The following CSF3R variants were observed in gnomAD, a reference collection of about 807,000 sequenced individuals.
The protein encoded by CSF3R is granulocyte colony-stimulating factor receptor.
In CSF3R, 52 loss-of-function variants were observed where a neutral mutation model predicts 84.4. The observed-to-expected ratio is 0.62, with a 90% CI of 0.49 to 0.78. The LOEUF is 0.78. Among genes scored for constraint, CSF3R ranks in the 30% least tolerant of loss-of-function variants. CSF3R has a pLI of 0.00. For missense variants in CSF3R, 890 were observed against 1,055.7 expected, an observed-to-expected ratio of 0.84 and a Z score of 2.17; for synonymous variants, 384 against 429.1, an observed-to-expected ratio of 0.89 and a Z score of 1.30.
At chr1:36,474,169 G>T (rs1650968734) in intron 4 of CSF3R, among the ~76,000 whole-genome samples, 1 of 152,154 alleles carries the variant, frequency 6.6e-6, no homozygotes, top group South Asian at 2.1e-4. Context: ...TGTAGTGTTT[G>T]AGTTTTCATC....
intron 4 of CSF3R, 23 bp from the exon 5 acceptor site, chr1:36,473,910 T>G: frequency 6.2e-7 from 1 of 1,613,482 alleles, no homozygotes; most frequent in Non-Finnish European, 8.5e-7. Context: ...GGGAAGAGTG[T>G]GAGGGCTTTG....
chr1:36,475,289 G>A, intron 4 of CSF3R, 88 bp downstream of exon 4: 3 of 1,534,376 alleles, frequency 2.0e-6, no homozygotes, highest in South Asian at 2.2e-5. Flanking sequence ...ATACAGGCGT[G>A]AGCCAACGTG....
intron 3 of CSF3R, 84 bp downstream of exon 3, chr1:36,479,349 C>A: frequency 2.3e-6 from 3 of 1,311,096 alleles, no homozygotes; most frequent in South Asian, 2.4e-5. Flanking sequence ...ATCCCAGGAG[C>A]CATGTGGCAG....
At chr1:36,482,946 G>C (rs914111925), upstream of CSF3R, 2 of 152,266 alleles carry the variant, frequency 1.3e-5, no homozygotes, top group Non-Finnish European at 1.5e-5. Flanking sequence ...ACAGGCCCGG[G>C]GGCTGGGGAT....
chr1:36,477,467 T>TATTA (rs1651223781), intron 3 of CSF3R: 1 of 151,840 alleles, frequency 6.6e-6, no homozygotes, highest in African/African-American at 2.4e-5. Context: ...TTCACCATGC[T>TATTA]GGCAGGCTGG....
rs1013615413 is a variant in CSF3R at position 36,467,142 on chromosome 1, G to C, written c.2040+88C>G. Reference sequence around the variant, plus strand: ...AGATGTTGCCGGAAGTGACAGGAAGGCCTGAGTACTTGGCTTCAGAAGGTG... The same window carrying C: ...AGATGTTGCCGGAAGTGACAGGAAGCCCTGAGTACTTGGCTTCAGAAGGTG... On this transcript the variant is annotated intron_variant, in intron 16 of 16. Transcript: ENST00000373106. This position sits in a 1 kb window ranked among gnomAD's most constrained non-coding sequence, Gnocchi z 4.1. 1.4e-6 allele frequency: 2 copies of C among 1,435,520 alleles called. No homozygotes were observed. Among genetic ancestry groups the C allele is most frequent in the Admixed American group, 1.7e-5 (1 of 59,350 alleles). 88.9% of individuals were successfully genotyped at this position (1,435,520 alleles called of 1,614,324 possible).
intron 13 of CSF3R, 45 bp downstream of exon 13, chr1:36,468,030 C>A (rs1355583404): frequency 6.2e-7 from 1 of 1,614,250 alleles, no homozygotes; most frequent in East Asian, 2.2e-5. Context: ...TGAGCACCCC[C>A]TTCCAGGCCT....
intron 3 of CSF3R, 94 bp from the exon 4 acceptor site, chr1:36,475,767 A>G (rs1363732197): frequency 1.6e-6 from 2 of 1,262,286 alleles, no homozygotes; most frequent in Non-Finnish European, 2.2e-6. Flanking sequence ...CAGAGGCCTC[A>G]CCTTCCTGTC....
At position 36,468,133 on chromosome 1, in the gene CSF3R, C is replaced by A. The variant is rs139705992; in HGVS notation, c.1665G>T (p.Gly555=). The A allele has an allele frequency of 2.8e-5, 45 of 1,614,086 alleles. No homozygotes were observed. In the African/African-American group the frequency reaches 5.3e-4, roughly 19 times the overall value. Reference sequence around the variant, plus strand: ...TGGTGTAGTGGGTAAGGGGGCTCTTCCCCAGCTCAGGGGGCTCAGGCACCC... The same window carrying A: ...TGGTGTAGTGGGTAAGGGGGCTCTTACCCAGCTCAGGGGGCTCAGGCACCC... The part of the protein sequence containing the change: ...LEWVPEPPEL[G]KSPLTHYTIF... Residue 555 remains glycine (G), a synonymous_variant, in exon 13 of 17, where the codon GGG becomes GGT. Transcript: ENST00000373106.
Position 36,467,510 on chromosome 1 carries a change from C to T in CSF3R, c.1958+48G>A, listed in dbSNP as rs1650402572. Reference sequence around the variant, plus strand: ...GATGGGCCCATCTGGACCTGAGGTTCCCTGTGGGTGGGGGAAGCAGGATCT... The same window carrying T: ...GATGGGCCCATCTGGACCTGAGGTTTCCTGTGGGTGGGGGAAGCAGGATCT... On this transcript the variant is annotated intron_variant, in intron 15 of 16. Coordinates refer to ENST00000373106, the MANE Select transcript of CSF3R (RefSeq NM_000760.4). This position sits in a 1 kb window ranked among gnomAD's most constrained non-coding sequence, Gnocchi z 4.1. 1 of 1,580,904 alleles carries T rather than the reference C, an allele frequency of 6.3e-7. No homozygotes were observed. The highest frequency in any genetic ancestry group is 1.3e-5 in the African/African-American group (1 of 74,192).
chr1:36,479,300 T>C, intron 3 of CSF3R, 133 bp downstream of exon 3: 1 of 921,302 alleles, frequency 1.1e-6, no homozygotes, highest in South Asian at 1.4e-5. Flanking sequence ...CTACCCCACA[T>C]CTGTGGCTCA....
rs368422027 is a variant in CSF3R, at chr1:36,473,627, C to T, written c.486-5G>A. The stretch of plus-strand genomic sequence containing the variant: ...GTCTGACAGTTGCCCCGGCTCCTGC[C>T]AATAGTCCAGGCTTGGGTGCCAAGC... On this transcript the variant is annotated splice_region_variant and splice_polypyrimidine_tract_variant and intron_variant, in intron 5 of 16. Transcript: ENST00000373106. 1.2e-6 allele frequency: 2 copies of T among 1,614,022 alleles called. No individual in the cohort carries two copies. Among genetic ancestry groups the T allele is most frequent in the Non-Finnish European group, 1.7e-6 (2 of 1,180,034 alleles).
Position 36,473,426 on chromosome 1 carries a change from A to G in CSF3R, c.673+9T>C, listed in dbSNP as rs778723626. 1.9e-6 allele frequency: 3 copies of G among 1,613,274 alleles called. No homozygotes were observed. Among genetic ancestry groups the G allele is most frequent in the South Asian group, 2.2e-5 (2 of 91,052 alleles). ...TTTGGGGATCCCCTCCCTCCCCTGC[A>G]TCACCCACCAACATCCATGGGATCA... On this transcript the variant is annotated intron_variant, in intron 6 of 16. Coordinates refer to ENST00000373106, the MANE Select transcript of CSF3R (RefSeq NM_000760.4).
chr1:36,468,195 G>C lies in CSF3R; in HGVS notation c.1603C>G (p.Leu535Val). The C allele has an allele frequency of 6.2e-7, 1 of 1,605,188 alleles. No homozygotes were observed. Residue 535 changes from leucine (L) to valine (V), a missense_variant, in exon 13 of 17, where the codon CTA becomes GTA. Transcript: ENST00000373106. Reference protein sequence around the residue: ...MAPSHAPELHLKHIGKTWAQL... With the variant: ...MAPSHAPELHVKHIGKTWAQL... ...GCCCAGGTCTTGCCAATGTGCTTTA[G>C]ATGCAGCTCTGGGGCATGGGAGGGA...
At chr1:36,479,342 C>G in intron 3 of CSF3R, 91 bp downstream of exon 3, 1 of 1,272,996 alleles carries the variant, frequency 7.9e-7, no homozygotes, top group Non-Finnish European at 1.1e-6. Context: ...TCTGGGAATC[C>G]CAGGAGCCAT....
Position 36,466,712 on chromosome 1 carries a change from C to T in CSF3R, c.2156G>A (p.Gly719Asp). The T allele has an allele frequency of 1.2e-6, 2 of 1,614,192 alleles. No individual in the cohort carries two copies. Among genetic ancestry groups the T allele is most frequent in the Non-Finnish European group, 1.7e-6 (2 of 1,180,028 alleles). ...ATAGGTCTGGACCAGAGTGGGGAGG[C>T]CACAGGTCTCTGAGCTGTTATGGGA... Reference protein sequence around the residue: ...WESHNSSETCGLPTLVQTYVL... With the variant: ...WESHNSSETCDLPTLVQTYVL... Residue 719 changes from glycine (G) to aspartate (D), a missense_variant, in exon 17 of 17, where the codon GGC (glycine) becomes GAC (aspartate). Gly to Asp is a moderately conservative substitution (Grantham distance 94). Coordinates refer to ENST00000373106, the MANE Select transcript of CSF3R (RefSeq NM_000760.4). This position sits in a 1 kb window ranked among gnomAD's most constrained non-coding sequence, Gnocchi z 4.6.
intron 1 of CSF3R, chr1:36,482,051 C>T (rs185696811): frequency 1.3e-5 from 2 of 152,348 alleles, no homozygotes; most frequent in South Asian, 4.1e-4. Context: ...TTTCTACTCT[C>T]ACCTCGAGAT....
chr1:36,468,289 G>A (rs1346883621), intron 12 of CSF3R, 68 bp from the exon 13 acceptor site: 15 of 1,488,126 alleles, frequency 1.0e-5, no homozygotes, highest in African/African-American at 1.4e-5. Context: ...TGGACTTCTT[G>A]TGGCTTCCCA....
In CSF3R at chr1:36,469,764, T is replaced by C; in HGVS notation, c.1362A>G (p.Pro454=). Residue 454 remains proline (P), a synonymous_variant, in exon 11 of 17, where the codon CCA becomes CCG. Transcript: ENST00000373106. ...ACTCAATCACATAGCCCTGAGGCCA[T>C]GGATTGGGGGGCTCCCAGCCTACCC... ...SLWVGWEPPN[P]WPQGYVIEWG... is the part of the protein sequence containing the mutation. The C allele has an allele frequency of 6.2e-7, 1 of 1,614,052 alleles. No individual in the cohort carries two copies. Among genetic ancestry groups the C allele is most frequent in the South Asian group, 1.1e-5 (1 of 91,082 alleles).
Sources: gnomAD v4.1 joint callset for allele counts (sites outside exome capture counted in the v4.1 genomes callset) on GRCh38, gnomAD v4.1.1 for gene constraint, Gnocchi (gnomAD v3.1) non-coding constraint, MANE v1.5 for transcripts, NCBI Gene and HGNC (gene_info 2026-07-23, HGNC 2026-07-21) for gene names.